Variants in PPM1B observed in about 807,000 individuals in gnomAD.
PPM1B encodes protein phosphatase, Mg2+/Mn2+ dependent 1B.
Under a neutral mutation model 43.0 loss-of-function variants are expected in PPM1B, and 22 were observed. The ratio of observed to expected loss-of-function variants is 0.51; its 90% CI spans 0.37 to 0.73. The LOEUF (loss-of-function observed/expected upper bound fraction) is 0.73, where lower values mean the gene tolerates loss of function less well. Among genes scored for constraint, PPM1B ranks in the 30% least tolerant of loss-of-function variants. The pLI, the probability that PPM1B is intolerant of heterozygous loss-of-function variation, is 0.00. For synonymous variants in PPM1B, 217 were observed against 197.9 expected (o/e 1.10, Z -0.81); for missense variants, 632 against 584.2 (o/e 1.08, Z -0.84).
intron 4 of PPM1B, 138 bp from the exon 5 acceptor site, chr2:44,218,342 A>G: frequency 1.4e-6 from 1 of 712,490 alleles, no homozygotes; most frequent in Non-Finnish European, 2.4e-6. Context: ...CTGAGAGTAA[A>G]GTGTAGAAGG....
Position 44,174,630 on chromosome 2 carries a change from A to G in PPM1B, c.-15+5356A>G, listed in dbSNP as rs115501035. 2.3e-3 allele frequency among the ~76,000 whole-genome samples: 348 copies of G among 152,390 alleles called. 1 individual carries two copies. Among genetic ancestry groups the G allele is most frequent in the Non-Finnish European group, 3.7e-3 (255 of 68,036 alleles). On this transcript the variant is annotated intron_variant, in intron 1 of 5. Transcript: ENST00000282412. The stretch of plus-strand genomic sequence containing the variant: ...CAAATGAATAAGTGTTGTTTGCCAG[A>G]GAAGAAGCAGTTCTGATCAATAATA...
In PPM1B at chr2:44,242,949, G is replaced by T. The variant is rs1032088176; in HGVS notation, n.1547-1279G>T. 3.9e-5 allele frequency among the ~76,000 whole-genome samples: 6 copies of T among 152,142 alleles called. No individual in the cohort carries two copies. The East Asian group carries it at 1.2e-3, about 29-fold the overall frequency. On this transcript the variant is annotated intron_variant and non_coding_transcript_variant, in intron 5 of 5. Transcript: ENST00000378540. ...ATACTGTGTATGGTTTGTTGTTGTT[G>T]TTTTTAAGGAAAGATATTCACAGAT...
chr2:44,227,214 A>T (rs1204035546), intron 5 of PPM1B, among the ~76,000 whole-genome samples: 1 of 152,104 alleles, frequency 6.6e-6, no homozygotes, highest in Non-Finnish European at 1.5e-5. Flanking sequence ...GGCTCAAGTG[A>T]TCCTTTGACC....
At chr2:44,186,275 A>G (rs1362654268) in intron 1 of PPM1B, among the ~76,000 whole-genome samples, 1 of 152,256 alleles carries the variant, frequency 6.6e-6, no homozygotes, top group Non-Finnish European at 1.5e-5. Context: ...ACTTGGCTAT[A>G]TCATAGAAAT....
chr2:44,223,976 T>C (rs1670098600), intron 5 of PPM1B, among the ~76,000 whole-genome samples: 1 of 152,168 alleles, frequency 6.6e-6, no homozygotes, highest in South Asian at 2.1e-4. Flanking sequence ...AAATTTGACA[T>C]GATTCTTCAA....
intron 1 of PPM1B, among the ~76,000 whole-genome samples, chr2:44,191,996 G>A (rs1216751915): frequency 6.6e-6 from 1 of 151,226 alleles, no homozygotes; most frequent in Admixed American, 6.6e-5. Context: ...ATAGCTGTTA[G>A]TTTCAGGACT....
At chr2:44,211,306 A>C (rs190093695) in intron 3 of PPM1B, among the ~76,000 whole-genome samples, 3 of 152,292 alleles carry the variant, frequency 2.0e-5, no homozygotes, top group Non-Finnish European at 2.9e-5. Context: ...CTCAATGGAA[A>C]AAGTTCCATA....
downstream of PPM1B, among the ~76,000 whole-genome samples, chr2:44,237,024 T>C (rs79718474): frequency 0.03 from 4,505 of 152,312 alleles, 227 homozygotes; most frequent in African/African-American, 0.1. Flanking sequence ...AGTCAAATGT[T>C]AACATAATTG....
At chr2:44,236,534 AATATT>A (rs1192160249), downstream of PPM1B, among the ~76,000 whole-genome samples, 1 of 151,992 alleles carries the variant, frequency 6.6e-6, no homozygotes, top group Non-Finnish European at 1.5e-5. Context: ...CAGGAGAAAT[AATATT>A]AGTCGGGGAA....
At chr2:44,186,851 A>C (rs1558395502) in intron 1 of PPM1B, among the ~76,000 whole-genome samples, 1 of 151,872 alleles carries the variant, frequency 6.6e-6, no homozygotes, top group East Asian at 1.9e-4. Flanking sequence ...CTCTACTCTT[A>C]CCCCCAAAAG....
chr2:44,242,329 A>G (rs961903632), intron 5 of PPM1B, among the ~76,000 whole-genome samples: 2 of 152,310 alleles, frequency 1.3e-5, no homozygotes, highest in East Asian at 3.9e-4. Context: ...CATGAAAATA[A>G]TACACATTAA....
chr2:44,232,446 C>A (rs1670496123), downstream of PPM1B: 3 of 1,568,582 alleles, frequency 1.9e-6, no homozygotes, highest in Non-Finnish European at 2.6e-6. Flanking sequence ...CTTGCGGATT[C>A]CCAACGTTTT....
At chr2:44,197,351 C>T (rs1668712024) in intron 1 of PPM1B, among the ~76,000 whole-genome samples, 2 of 152,212 alleles carry the variant, frequency 1.3e-5, no homozygotes, top group South Asian at 4.2e-4. Flanking sequence ...ACTCCTGGGC[C>T]CAAGTGATTC....
rs1378625072 is a variant in PPM1B at position 44,190,548 on chromosome 2, G to C, written c.-14-10638G>C. Among the ~76,000 whole-genome samples the C allele has an allele frequency of 2.0e-5, 3 of 151,890 alleles. No individual in the cohort carries two copies. In the East Asian group the frequency reaches 5.8e-4, roughly 29 times the overall value. ...TTTGAAGCTTTTCTCCCCTTTGCTT[G>C]TTCTTACTTTTTAAGGCATTTTTTT... is the stretch of plus-strand genomic sequence containing the variant. On this transcript the variant is annotated intron_variant, in intron 1 of 5. Transcript: ENST00000282412.
intron 1 of PPM1B, among the ~76,000 whole-genome samples, chr2:44,177,195 C>A (rs1667621544): frequency 6.6e-6 from 1 of 152,148 alleles, no homozygotes; most frequent in African/African-American, 2.4e-5. Flanking sequence ...AGACCAGATT[C>A]ATTAAGTTGT....
At chr2:44,205,380 T>TGTGTGTGTGTGTGTAA (rs3841859) in intron 2 of PPM1B, among the ~76,000 whole-genome samples, 54 of 150,614 alleles carry the variant, frequency 3.6e-4, no homozygotes, top group African/African-American at 1.3e-3. Context: ...TGTGTGTGTG[T>TGTGTGTGTGTGTGTAA]AAGTGTCTGT....
chr2:44,233,747 C>G (rs1186703539), downstream of PPM1B: 15 of 985,632 alleles, frequency 1.5e-5, no homozygotes, highest in Non-Finnish European at 1.8e-5. Flanking sequence ...CTTTCCTGAT[C>G]ATTTGATTTA....
chr2:44,233,182 T>C, downstream of PPM1B: 1 of 942,928 alleles, frequency 1.1e-6, no homozygotes, highest in Non-Finnish European at 1.3e-6. Context: ...TTTCAGCTTT[T>C]AAGATACGAG....
intron 1 of PPM1B, among the ~76,000 whole-genome samples, chr2:44,192,874 A>T (rs551845267): frequency 6.6e-6 from 1 of 152,300 alleles, no homozygotes; most frequent in East Asian, 1.9e-4. Context: ...AGGTTCATCC[A>T]TGTTGTTGTA....
Sources: gnomAD v4.1 joint callset for allele counts (sites outside exome capture counted in the v4.1 genomes callset) on GRCh38, gnomAD v4.1.1 for gene constraint, MANE v1.5 for transcripts, NCBI Gene and HGNC (gene_info 2026-07-23, HGNC 2026-07-21) for gene names.